The following LRP2 variants were observed in gnomAD, a reference collection of about 807,000 sequenced individuals.
The protein encoded by LRP2 is low-density lipoprotein receptor-related protein 2.
Under a neutral mutation model 531.0 loss-of-function variants are expected in LRP2, and 172 were observed. The observed-to-expected ratio is 0.32, with a 90% CI of 0.29 to 0.37. The LOEUF is 0.37. Among genes scored for constraint, LRP2 ranks in the 10% least tolerant of loss-of-function variants. LRP2 has a pLI of 1.00. For missense variants in LRP2, 5,167 were observed against 5,868.3 expected, an observed-to-expected ratio of 0.88 and a Z score of 3.90; for synonymous variants, 1,992 against 2,027.6, an observed-to-expected ratio of 0.98 and a Z score of 0.47.
intron 72 of LRP2, among the ~76,000 whole-genome samples, chr2:169,139,997 AAC>A (rs1491482982): frequency 1.3e-5 from 2 of 152,222 alleles, no homozygotes; most frequent in Non-Finnish European, 2.9e-5. Context: ...GAGTTTTCGC[AAC>A]ACAGTCATCT....
At chr2:169,227,081 T>C (rs1358378532) in intron 31 of LRP2, among the ~76,000 whole-genome samples, 1 of 152,246 alleles carries the variant, frequency 6.6e-6, no homozygotes, top group Non-Finnish European at 1.5e-5. Context: ...TGTTGCCTAG[T>C]ATTTATTGAG....
At chr2:169,361,377 C>T (rs3770642) in intron 1 of LRP2, among the ~76,000 whole-genome samples, 21,855 of 50,834 alleles carry the variant, frequency 0.43, 3,447 homozygotes, top group Non-Finnish European at 0.49. Flanking sequence ...TCTCTCTCTC[C>T]CTCTCTCTCT....
At chr2:169,177,655 C>A in intron 53 of LRP2, 148 bp downstream of exon 53, 1 of 776,782 alleles carries the variant, frequency 1.3e-6, no homozygotes. Context: ...AAGATATTTG[C>A]CTACTGTCAA....
intron 1 of LRP2, among the ~76,000 whole-genome samples, chr2:169,321,546 C>T (rs1001795727): frequency 2.0e-5 from 3 of 150,772 alleles, no homozygotes; most frequent in African/African-American, 4.9e-5. Context: ...TTTTCATTTG[C>T]TTGACTATAC....
At chr2:169,225,148 C>T in intron 33 of LRP2, among the ~76,000 whole-genome samples, 162 bp downstream of exon 33, 1 of 151,860 alleles carries the variant, frequency 6.6e-6, no homozygotes, top group Admixed American at 6.6e-5. Context: ...AGGTGGTTTT[C>T]CTCTTTCACT....
intron 38 of LRP2, 60 bp downstream of exon 38, chr2:169,209,393 T>C (rs767313897): frequency 1.6e-5 from 25 of 1,552,356 alleles, no homozygotes; most frequent in Middle Eastern, 3.4e-4. Flanking sequence ...CTAAACTTTC[T>C]AGCATAAAAT....
rs1346126880 is a variant in LRP2 at position 169,275,176 on chromosome 2, C to T, written c.1835G>A (p.Gly612Asp). 6.2e-7 allele frequency: 1 copy of T among 1,613,776 alleles called. No homozygotes were observed. The highest frequency in any genetic ancestry group is 2.2e-5 in the East Asian group (1 of 44,856). ...TGTCCAATCTGTAAAGAACACCTGA[C>T]CTTCAAATAAGCTTACTCCAAAGGG... ...PHPFGVSLFEGQVFFTDWTKM... is the reference protein window; with the variant it reads ...PHPFGVSLFEDQVFFTDWTKM... The change falls in exon 14 of 79, where the codon GGT becomes GAT. Residue 612 changes from glycine to aspartate, a missense_variant. Gly to Asp is a moderately conservative substitution (Grantham distance 94). This residue lies in a region of LRP2 where 2,811 missense variants were observed against 3,058.0 expected (regional missense o/e 0.92). Coordinates refer to ENST00000649046, the MANE Select transcript of LRP2 (RefSeq NM_004525.3).
At position 169,145,729 on chromosome 2, in the gene LRP2, A is replaced by G. The variant is rs201970419; in HGVS notation, c.12988+18T>C. The G allele has an allele frequency of 2.7e-5, 43 of 1,613,384 alleles. No homozygotes were observed. The African/African-American group carries it at 4.7e-4, about 17-fold the overall frequency. On this transcript the variant is annotated intron_variant, in intron 70 of 78. Coordinates refer to ENST00000649046, the MANE Select transcript of LRP2 (RefSeq NM_004525.3). ...TTCCAAGTAATGAGGAGCATCTTAT[A>G]CCAAAGTTGGTGATTACCTGACTTA...
chr2:169,216,277 G>A lies in LRP2; in HGVS notation c.5802C>T (p.Tyr1934=). Residue 1934 remains tyrosine (Y), a synonymous_variant, in exon 35 of 79, where the codon TAC becomes TAT. Coordinates refer to ENST00000649046, the MANE Select transcript of LRP2 (RefSeq NM_004525.3). ...VTLDIEEQKL[Y]WAVTGRGVIE... The stretch of plus-strand genomic sequence containing the variant: ...CCACTCCTCTTCCAGTGACTGCCCA[G>A]TAGAGTTTCTGCTCTTCGATGTCAA... 1 of 1,613,526 alleles carries A rather than the reference G, an allele frequency of 6.2e-7. No homozygotes were observed. The highest frequency in any genetic ancestry group is 1.3e-5 in the African/African-American group (1 of 74,996).
chr2:169,133,690 T>C (rs1273123475), intron 76 of LRP2, among the ~76,000 whole-genome samples: 1 of 152,214 alleles, frequency 6.6e-6, no homozygotes, highest in Non-Finnish European at 1.5e-5. Context: ...GCAGTAAAAG[T>C]GGCGCTGGGG....
At position 169,285,958 on chromosome 2, in the gene LRP2, A is replaced by C. The variant is rs185185849; in HGVS notation, c.1043-2957T>G. Among the ~76,000 whole-genome samples, 1,137 of 152,346 alleles carry C rather than the reference A, an allele frequency of 7.5e-3. 11 individuals carry two copies. Among genetic ancestry groups the C allele is most frequent in the African/African-American group, 0.026 (1,077 of 41,572 alleles). On this transcript the variant is annotated intron_variant, in intron 9 of 78. Coordinates refer to ENST00000649046, the MANE Select transcript of LRP2 (RefSeq NM_004525.3). ...ACACCTGAAGCCTGTGTAATGCGTC[A>C]GCCATGCAGAGGGTTATAGCCATAC...
intron 48 of LRP2, among the ~76,000 whole-genome samples, chr2:169,190,530 T>C (rs1379533177): frequency 3.3e-5 from 5 of 152,032 alleles, no homozygotes; most frequent in African/African-American, 1.2e-4. Flanking sequence ...TAGCGCCTGT[T>C]GATGAGCTGC....
intron 66 of LRP2, among the ~76,000 whole-genome samples, chr2:169,153,859 T>C (rs1686232955): frequency 6.6e-6 from 1 of 152,188 alleles, no homozygotes; most frequent in African/African-American, 2.4e-5. Context: ...TTTTCCTTCA[T>C]TCAACTAAAT....
At chr2:169,340,351 T>C (rs963110014) in intron 1 of LRP2, among the ~76,000 whole-genome samples, 13 of 152,192 alleles carry the variant, frequency 8.5e-5, no homozygotes, top group Admixed American at 1.3e-4. Context: ...GGAGCAGTCA[T>C]GGCATACTTT....
intron 33 of LRP2, among the ~76,000 whole-genome samples, chr2:169,223,668 G>C (rs925315433): frequency 6.6e-6 from 1 of 152,142 alleles, no homozygotes; most frequent in African/African-American, 2.4e-5. Context: ...CAGTGAAGCT[G>C]ACCATTTAAG....
intron 1 of LRP2, among the ~76,000 whole-genome samples, chr2:169,359,464 A>G (rs1686086243): frequency 6.6e-6 from 1 of 152,116 alleles, no homozygotes; most frequent in Non-Finnish European, 1.5e-5. Context: ...TTCCCCTCCA[A>G]TTTTTAGTGA....
intron 68 of LRP2, among the ~76,000 whole-genome samples, chr2:169,150,195 C>T (rs527917432): frequency 6.6e-6 from 1 of 152,202 alleles, no homozygotes; most frequent in Non-Finnish European, 1.5e-5. Context: ...CCTACAAATA[C>T]TGGCATATCT....
intron 1 of LRP2, among the ~76,000 whole-genome samples, chr2:169,348,831 G>T (rs759605398): frequency 1.3e-5 from 2 of 152,142 alleles, no homozygotes; most frequent in East Asian, 1.9e-4. Context: ...TGGAGAAAAG[G>T]GGGGAGTCAG....
At chr2:169,135,233 C>T (rs1238208991) in intron 76 of LRP2, among the ~76,000 whole-genome samples, 1 of 152,160 alleles carries the variant, frequency 6.6e-6, no homozygotes, top group Non-Finnish European at 1.5e-5. Context: ...TATTCTACTA[C>T]TCCTCAGGAA....
Sources: gnomAD v4.1 joint callset for allele counts (sites outside exome capture counted in the v4.1 genomes callset) on GRCh38, gnomAD v4.1.1 for gene constraint, gnomAD v4.1.1 regional missense constraint, MANE v1.5 for transcripts, NCBI Gene and HGNC (gene_info 2026-07-23, HGNC 2026-07-21) for gene names.